Variants in SIDT2 observed in about 807,000 individuals in gnomAD.
SIDT2 encodes the protein SID1 transmembrane family member 2, also known as SID1 transmembrane family, member 2.
In SIDT2, 68 loss-of-function variants were observed where a neutral mutation model predicts 114.4. The observed-to-expected ratio is 0.59, with a 90% CI of 0.49 to 0.73. The LOEUF is 0.73. Among genes scored for constraint, SIDT2 ranks in the 30% least tolerant of loss-of-function variants. The pLI, the probability that SIDT2 is intolerant of heterozygous loss-of-function variation, is 0.00. For missense variants in SIDT2, 918 were observed against 1,097.1 expected (o/e 0.84, Z 2.31); for synonymous variants, 470 against 438.4 (o/e 1.07, Z -0.90).
chr11:117,195,534 A>T (rs1471229930), intron 24 of SIDT2, among the ~76,000 whole-genome samples: 5 of 152,196 alleles, frequency 3.3e-5, no homozygotes, highest in African/African-American at 1.2e-4. Context: ...CTGTGCTCTT[A>T]GGTCAAGGGA....
chr11:117,195,989 G>C lies in SIDT2; in HGVS notation c.2437-15G>C. On this transcript the variant is annotated splice_polypyrimidine_tract_variant and intron_variant, in intron 25 of 25. Coordinates refer to ENST00000324225, the MANE Select transcript of SIDT2 (RefSeq NM_001040455.2). ...TGCCTCCTTCTCTGTGGCTGATCTG[G>C]CGTCCACACCCCAGGTGTTGCTGAC... 2 of 1,614,224 alleles carry C rather than the reference G, an allele frequency of 1.2e-6. No homozygotes were observed. The highest frequency in any genetic ancestry group is 1.7e-6 in the Non-Finnish European group (2 of 1,180,036).
chr11:117,182,425 C>T (rs1286664995), intron 4 of SIDT2, 94 bp from the exon 5 acceptor site: 4 of 1,141,828 alleles, frequency 3.5e-6, no homozygotes, highest in African/African-American at 3.0e-5. Flanking sequence ...TCAGAGGATT[C>T]TGGGTCCTCG....
rs2030663336 is a variant in SIDT2, at chr11:117,190,564, C to T, written c.1618-59C>T. On this transcript the variant is annotated intron_variant, in intron 17 of 25. Transcript: ENST00000324225. The surrounding 1 kb of genome is among the most constrained non-coding windows in gnomAD (Gnocchi z 4.1). ...TCCTCTTAGGGTCCCTCTTTTGGGTCCCTTCTTCCCTTCCTGCCTCACTTC... is the reference window on the plus strand; with the variant it reads ...TCCTCTTAGGGTCCCTCTTTTGGGTTCCTTCTTCCCTTCCTGCCTCACTTC... 3 of 1,396,250 alleles carry T rather than the reference C, an allele frequency of 2.1e-6. No individual in the cohort carries two copies. The highest frequency in any genetic ancestry group is 2.0e-5 in the Admixed American group (1 of 49,904). The allele number at this position is 1,396,250 out of a possible 1,614,324, so 86.5% of individuals were successfully genotyped here. A position where few individuals can be genotyped will look rare whatever the true frequency, so the allele number is the denominator to read the frequency against.
At chr11:117,181,561 G>A (rs2030285788) in intron 2 of SIDT2, 24 bp downstream of exon 2, 1 of 1,613,662 alleles carries the variant, frequency 6.2e-7, no homozygotes, top group African/African-American at 1.3e-5. Flanking sequence ...GGGCATCAGG[G>A]AAGCGGGGCA....
At chr11:117,182,177 G>A (rs1010703330) in intron 4 of SIDT2, 72 bp downstream of exon 4, 218 of 1,560,106 alleles carry the variant, frequency 1.4e-4, no homozygotes, top group Middle Eastern at 2.3e-4. Flanking sequence ...AGTGGCCAGC[G>A]GTCTTTGCTT....
Position 117,182,028 on chromosome 11 carries a change from G to A in SIDT2, c.471-32G>A, listed in dbSNP as rs750514266. ...GCTGGTTCTTCCCCAGGCTCCGGGG[G>A]TGACTGGTGGGGGCTCTTCTCTGCC... is the stretch of plus-strand genomic sequence containing the variant. On this transcript the variant is annotated intron_variant, in intron 3 of 25. Transcript: ENST00000324225. The A allele has an allele frequency of 5.0e-6, 8 of 1,613,958 alleles. No homozygotes were observed. The African/African-American group carries it at 5.3e-5, about 11-fold the overall frequency.
chr11:117,183,392 C>T (rs2030373291), intron 6 of SIDT2, among the ~76,000 whole-genome samples: 1 of 151,302 alleles, frequency 6.6e-6, no homozygotes, highest in African/African-American at 2.4e-5. Context: ...TAATCCCACA[C>T]TTCGGGAGGC....
Position 117,188,837 on chromosome 11 carries a change from T to C in SIDT2, c.1278+11T>C. ...GTCATTCGCACCAAGGTCTGACCCG[T>C]GGGCCTGGCCTGGTCAGGCGTTTCC... On this transcript the variant is annotated intron_variant, in intron 13 of 25. Coordinates refer to ENST00000324225, the MANE Select transcript of SIDT2 (RefSeq NM_001040455.2). The surrounding 1 kb of genome is among the most constrained non-coding windows in gnomAD (Gnocchi z 4.0). The C allele has an allele frequency of 6.2e-7, 1 of 1,610,168 alleles. No homozygotes were observed. Among genetic ancestry groups the C allele is most frequent in the Non-Finnish European group, 8.5e-7 (1 of 1,176,378 alleles).
Position 117,188,454 on chromosome 11 carries a change from G to T in SIDT2, c.1160-254G>T. 1.9e-6 allele frequency: 1 copy of T among 530,380 alleles called. No individual in the cohort carries two copies. The highest frequency in any genetic ancestry group is 3.4e-6 in the Non-Finnish European group (1 of 293,862). The allele number at this position is 530,380 out of a possible 1,614,324, so 32.9% of individuals were successfully genotyped here. ...TGGGAAGCCCTAGCCCATGAGGGGT[G>T]CCAGGAACAGAGCAAAGCTAGAGCG... On this transcript the variant is annotated intron_variant, in intron 12 of 25. Coordinates refer to ENST00000324225, the MANE Select transcript of SIDT2 (RefSeq NM_001040455.2). The surrounding 1 kb of genome is among the most constrained non-coding windows in gnomAD (Gnocchi z 4.0).
chr11:117,188,705 C>T lies in SIDT2; in HGVS notation c.1160-3C>T. Reference sequence around the variant, plus strand: ...GCAACCCCTCCCTCCCTGCCCTTTCCAGGCCGCTCCTTTGAACCTGTAGGT... The same window carrying T: ...GCAACCCCTCCCTCCCTGCCCTTTCTAGGCCGCTCCTTTGAACCTGTAGGT... On this transcript the variant is annotated splice_polypyrimidine_tract_variant and splice_region_variant and intron_variant, in intron 12 of 25. Coordinates refer to ENST00000324225, the MANE Select transcript of SIDT2 (RefSeq NM_001040455.2). The surrounding 1 kb of genome is among the most constrained non-coding windows in gnomAD (Gnocchi z 4.0). The T allele has an allele frequency of 1.2e-6, 2 of 1,613,514 alleles. No individual in the cohort carries two copies. The highest frequency in any genetic ancestry group is 1.7e-6 in the Non-Finnish European group (2 of 1,179,418).
In SIDT2 at chr11:117,183,856, G is replaced by T. The variant is rs748287039; in HGVS notation, c.780G>T (p.Leu260=). 1 of 1,613,822 alleles carries T rather than the reference G, an allele frequency of 6.2e-7. No individual in the cohort carries two copies. The highest frequency in any genetic ancestry group is 8.5e-7 in the Non-Finnish European group (1 of 1,179,740). ...KTEDQACGGS[L]PFYPFAEDEP... is the part of the protein sequence containing the mutation. ...AAGACCAAGCCTGCGGGGGCTCCCT[G>T]CCTTTCTACCCCTTCGCAGAAGGTA... The change falls in exon 7 of 26, where the codon CTG becomes CTT. Residue 260 remains leucine, a synonymous_variant. Transcript: ENST00000324225.
At position 117,179,230 on chromosome 11, in the gene SIDT2, C is replaced by T. The variant is rs2030160686; in HGVS notation, c.-34C>T. 4 of 1,595,038 alleles carry T rather than the reference C, an allele frequency of 2.5e-6. No homozygotes were observed. In the African/African-American group the frequency reaches 4.1e-5, roughly 16 times the overall value. On this transcript the variant is annotated 5_prime_UTR_variant, in exon 1 of 26. Transcript: ENST00000324225. ...CTGTCTCCTGTCGCCGCCGCCGCCG[C>T]CACCACCGCTGCCACTGCCGCCCTG... is the stretch of plus-strand genomic sequence containing the variant.
intron 18 of SIDT2, 141 bp from the exon 19 acceptor site, chr11:117,191,737 G>A: frequency 8.4e-7 from 1 of 1,191,570 alleles, no homozygotes; most frequent in Non-Finnish European, 1.2e-6. Flanking sequence ...TGAAGTTCAA[G>A]TGCCACCCTG....
In SIDT2 at chr11:117,190,785, C is replaced by G; in HGVS notation, c.1735+45C>G. The G allele has an allele frequency of 6.8e-7, 1 of 1,478,954 alleles. No homozygotes were observed. Among genetic ancestry groups the G allele is most frequent in the African/African-American group, 1.4e-5 (1 of 72,400 alleles). The allele number at this position is 1,478,954 out of a possible 1,614,324, so 91.6% of individuals were successfully genotyped here. ...TTTCTGGCTCAACCTACAGCAGGGA[C>G]CTGCCTGAGTCCTTCACTATCCCCA... On this transcript the variant is annotated intron_variant, in intron 18 of 25. Transcript: ENST00000324225. This position sits in a 1 kb window ranked among gnomAD's most constrained non-coding sequence, Gnocchi z 4.1.
In SIDT2 at chr11:117,181,491, A is replaced by C. The variant is rs2030283702; in HGVS notation, c.259A>C (p.Lys87Gln). The change falls in exon 2 of 26, where the codon AAG becomes CAG. Residue 87 changes from lysine to glutamine, a missense_variant. Around this residue, in one of 4 missense-constraint regions of SIDT2, gnomAD observed 553 missense variants for 600.1 expected, o/e 0.92. Coordinates refer to ENST00000324225, the MANE Select transcript of SIDT2 (RefSeq NM_001040455.2). ...GCCGTTGCTGTTTGTGGTCCGCCAG[A>C]AGGAGGCTGTGGTGTCCTTCCAGGT... ...GAPLLFVVRQ[K>Q]EAVVSFQVPL... 1 of 1,613,844 alleles carries C rather than the reference A, an allele frequency of 6.2e-7. No individual in the cohort carries two copies. The highest frequency in any genetic ancestry group is 8.5e-7 in the Non-Finnish European group (1 of 1,179,936).
rs764156837 is a variant in SIDT2, at chr11:117,189,197, G to A, written c.1307G>A (p.Arg436Gln). 7 of 1,614,112 alleles carry A rather than the reference G, an allele frequency of 4.3e-6. No homozygotes were observed. Among genetic ancestry groups the A allele is most frequent in the South Asian group, 2.2e-5 (2 of 91,090 alleles). Residue 436 changes from arginine to glutamine, a missense_variant, in exon 14 of 26, where the codon CGG (arginine) becomes CAG (glutamine). Coordinates refer to ENST00000324225, the MANE Select transcript of SIDT2 (RefSeq NM_001040455.2). Reference sequence around the variant, plus strand: ...TACCTCTATGTGGCTGACCTGGCACGGAAGGACAAGCGTGTTCTGCGGAAA... The same window carrying A: ...TACCTCTATGTGGCTGACCTGGCACAGAAGGACAAGCGTGTTCTGCGGAAA... ...KQYLYVADLA[R>Q]KDKRVLRKKY...
Position 117,190,551 on chromosome 11 carries a change from C to T in SIDT2, c.1618-72C>T, listed in dbSNP as rs2030662830. Reference sequence around the variant, plus strand: ...TTTCCTCTTCCACTCCTCTTAGGGTCCCTCTTTTGGGTCCCTTCTTCCCTT... The same window carrying T: ...TTTCCTCTTCCACTCCTCTTAGGGTTCCTCTTTTGGGTCCCTTCTTCCCTT... On this transcript the variant is annotated intron_variant, in intron 17 of 25. Transcript: ENST00000324225. This position sits in a 1 kb window ranked among gnomAD's most constrained non-coding sequence, Gnocchi z 4.1. 2 of 1,274,520 alleles carry T rather than the reference C, an allele frequency of 1.6e-6. No individual in the cohort carries two copies. Among genetic ancestry groups the T allele is most frequent in the South Asian group, 1.3e-5 (1 of 77,032 alleles). The allele number at this position is 1,274,520 out of a possible 1,614,324, so 79.0% of individuals were successfully genotyped here. A position where few individuals can be genotyped will look rare whatever the true frequency, so the allele number is the denominator to read the frequency against.
chr11:117,185,001 C>T (rs2030437076), intron 8 of SIDT2, among the ~76,000 whole-genome samples: 3 of 151,800 alleles, frequency 2.0e-5, no homozygotes, highest in Admixed American at 2.0e-4. Context: ...TGTGGGATTA[C>T]AGGCATGAGC....
chr11:117,180,129 G>A (rs2030219488), intron 1 of SIDT2, among the ~76,000 whole-genome samples: 1 of 152,184 alleles, frequency 6.6e-6, no homozygotes, highest in Admixed American at 6.5e-5. Flanking sequence ...AGCTGAGATT[G>A]GGAGAATTCT....
Sources: allele counts gnomAD v4.1 joint callset (sites outside exome capture counted in the v4.1 genomes callset), GRCh38; gene constraint gnomAD v4.1.1; regional missense constraint gnomAD v4.1.1; non-coding constraint Gnocchi (gnomAD v3.1); transcripts MANE v1.5; gene names NCBI Gene and HGNC (gene_info 2026-07-23, HGNC 2026-07-21).